Variants in GLP2R observed in about 807,000 individuals in gnomAD.
The protein encoded by GLP2R is glucagon-like peptide 2 receptor.
Under a neutral mutation model 68.2 loss-of-function variants are expected in GLP2R, and 59 were observed. The observed-to-expected ratio is 0.87, with a 90% CI of 0.70 to 1.07. The LOEUF is 1.07. Among genes scored for constraint, GLP2R ranks in the 50% least tolerant of loss-of-function variants. The pLI is 0.00. For synonymous variants in GLP2R, 270 were observed against 265.4 expected (o/e 1.02, Z -0.17); for missense variants, 548 against 677.4 (o/e 0.81, Z 2.12).
intron 5 of GLP2R, among the ~76,000 whole-genome samples, chr17:9,856,423 C>T (rs4791894): frequency 0.43 from 65,690 of 151,988 alleles, 16,030 homozygotes; most frequent in African/African-American, 0.67. Context: ...CTTTTAGAAA[C>T]TAAAAATATA....
At chr17:9,882,825 A>G (rs1475535511) in intron 11 of GLP2R, among the ~76,000 whole-genome samples, 1 of 152,180 alleles carries the variant, frequency 6.6e-6, no homozygotes, top group Non-Finnish European at 1.5e-5. Context: ...ATTCCACATA[A>G]CTAGTAGTCC....
intron 10 of GLP2R, among the ~76,000 whole-genome samples, chr17:9,873,011 C>T (rs1051977344): frequency 2.0e-5 from 3 of 152,204 alleles, no homozygotes; most frequent in Non-Finnish European, 2.9e-5. Context: ...CAGGGAGCCA[C>T]GCTGTCTCTC....
intron 4 of GLP2R, among the ~76,000 whole-genome samples, chr17:9,850,472 G>A (rs2152036618): frequency 6.6e-6 from 1 of 152,234 alleles, no homozygotes; most frequent in East Asian, 1.9e-4. Flanking sequence ...GGCCATAAGT[G>A]CCATGAAATT....
At chr17:9,826,875 G>T (rs771759922) in intron 1 of GLP2R, among the ~76,000 whole-genome samples, 1 of 151,996 alleles carries the variant, frequency 6.6e-6, no homozygotes, top group Non-Finnish European at 1.5e-5. Context: ...TTGTTTGTTT[G>T]TTTGTTTGTT....
chr17:9,839,396 T>TCCTTCTCCTCCTCC (rs1567719622), intron 3 of GLP2R, among the ~76,000 whole-genome samples: 4 of 151,856 alleles, frequency 2.6e-5, no homozygotes, highest in Non-Finnish European at 5.9e-5. Context: ...CAAACTCCTC[T>TCCTTCTCCTCCTCC]TCCTTCTCCT....
chr17:9,885,349 A>C (rs60340013), intron 11 of GLP2R, among the ~76,000 whole-genome samples: 9,133 of 151,612 alleles, frequency 0.06, 927 homozygotes, highest in African/African-American at 0.21. Context: ...GCCACCACAC[A>C]CGGCCTCATT....
Position 9,840,219 on chromosome 17 carries a change from C to T in GLP2R, c.383-2276C>T, listed in dbSNP as rs368267958. ...CTCGAACTTCTGACCTCGTGAACCT[C>T]CCGCCTTGGCCTCCCAAAATGCTGG... On this transcript the variant is annotated intron_variant, in intron 3 of 12. Transcript: ENST00000262441. Among the ~76,000 whole-genome samples the T allele has an allele frequency of 3.8e-4, 58 of 152,338 alleles. No individual in the cohort carries two copies. The East Asian group carries it at 0.01, about 27-fold the overall frequency.
intron 3 of GLP2R, among the ~76,000 whole-genome samples, chr17:9,840,410 C>T (rs2066775638): frequency 6.6e-6 from 1 of 152,222 alleles, no homozygotes; most frequent in Non-Finnish European, 1.5e-5. Context: ...AGCATTATGG[C>T]TAGTACAGAC....
Position 9,890,427 on chromosome 17 carries a change from CTCTT to C in GLP2R, c.*724_*727del, listed in dbSNP as rs2041383229. 5.1e-6 allele frequency: 1 copy of C among 197,042 alleles called. No individual in the cohort carries two copies. Among genetic ancestry groups the C allele is most frequent in the Admixed American group, 5.5e-5 (1 of 18,042 alleles). The allele number at this position is 197,042 out of a possible 1,614,324, so 12.2% of individuals were successfully genotyped here. ...CTCCTATCAAGTCTTGCCTCTCTCTCTCTTTGCCTCAGTTCTCTGTCCCTGCACA... is the reference window on the plus strand; with the variant it reads ...CTCCTATCAAGTCTTGCCTCTCTCTCTGCCTCAGTTCTCTGTCCCTGCACA... On this transcript the variant is annotated 3_prime_UTR_variant, in exon 13 of 13. Coordinates refer to ENST00000262441, the MANE Select transcript of GLP2R (RefSeq NM_004246.3).
chr17:9,828,867 C>G (rs1042567361), intron 1 of GLP2R, among the ~76,000 whole-genome samples: 7 of 152,162 alleles, frequency 4.6e-5, no homozygotes, highest in Admixed American at 2.6e-4. Context: ...GTGTCTGCTT[C>G]CACTCTCTGC....
chr17:9,879,523 C>A (rs1234921623), intron 10 of GLP2R, among the ~76,000 whole-genome samples: 1 of 151,798 alleles, frequency 6.6e-6, no homozygotes, highest in Admixed American at 6.6e-5. Flanking sequence ...TCCTGGGACC[C>A]AACCTCCAGA....
At chr17:9,830,005 A>G (rs1484068843) in intron 1 of GLP2R, among the ~76,000 whole-genome samples, 1 of 152,232 alleles carries the variant, frequency 6.6e-6, no homozygotes, top group Non-Finnish European at 1.5e-5. Context: ...GGACTTTTCC[A>G]GTTGGAAAAA....
intron 10 of GLP2R, among the ~76,000 whole-genome samples, chr17:9,875,797 C>A (rs541558995): frequency 1.0e-3 from 152 of 152,324 alleles, no homozygotes; most frequent in Non-Finnish European, 1.4e-3. Flanking sequence ...GCTCTCTTCC[C>A]CTAGATAAAG....
chr17:9,865,972 T>G (rs1324686371), intron 9 of GLP2R: 2 of 467,796 alleles, frequency 4.3e-6, no homozygotes, highest in African/African-American at 4.0e-5. Context: ...TCTATCAGTT[T>G]ACAAGAAGAT....
At chr17:9,867,749 A>C (rs550477290) in intron 9 of GLP2R, among the ~76,000 whole-genome samples, 1 of 152,288 alleles carries the variant, frequency 6.6e-6, no homozygotes, top group Middle Eastern at 3.4e-3. Flanking sequence ...GAGCTAACAA[A>C]TTGAATGAAC....
Position 9,825,967 on chromosome 17 carries a change from C to A in GLP2R, c.-97C>A. On this transcript the variant is annotated 5_prime_UTR_variant, in exon 1 of 13. Coordinates refer to ENST00000262441, the MANE Select transcript of GLP2R (RefSeq NM_004246.3). ...GTGGAGAGGATTTGTGCAAACATTT[C>A]CTCTGTGGACCAAGAGGAATGCAAG... 1.0e-6 allele frequency: 1 copy of A among 1,001,234 alleles called. No individual in the cohort carries two copies. Among genetic ancestry groups the A allele is most frequent in the Non-Finnish European group, 1.5e-6 (1 of 668,804 alleles). 62.0% of individuals were successfully genotyped at this position (1,001,234 alleles called of 1,614,324 possible).
chr17:9,862,962 G>A (rs2067000500), intron 9 of GLP2R, among the ~76,000 whole-genome samples: 1 of 152,188 alleles, frequency 6.6e-6, no homozygotes, highest in Non-Finnish European at 1.5e-5. Context: ...GTCAATAATA[G>A]AAGGCAACTC....
chr17:9,874,755 C>G (rs1165752998), intron 10 of GLP2R, among the ~76,000 whole-genome samples: 1 of 152,128 alleles, frequency 6.6e-6, no homozygotes, highest in Non-Finnish European at 1.5e-5. Context: ...GCCCACATGC[C>G]TCCCAAAATT....
intron 10 of GLP2R, among the ~76,000 whole-genome samples, chr17:9,872,425 A>G (rs1362428811): frequency 6.6e-6 from 1 of 152,136 alleles, no homozygotes; most frequent in Non-Finnish European, 1.5e-5. Context: ...AAAAATACAA[A>G]AATTAGCTGG....
Sources: allele counts gnomAD v4.1 joint callset (sites outside exome capture counted in the v4.1 genomes callset), GRCh38; gene constraint gnomAD v4.1.1; transcripts MANE v1.5; gene names NCBI Gene and HGNC (gene_info 2026-07-23, HGNC 2026-07-21).